RTN1: variants seen among roughly 807,000 people sequenced by gnomAD.
The protein encoded by RTN1 is reticulon 1, also known as reticulon-1.
RTN1 carries 25 observed loss-of-function variants against 65.5 expected under a neutral mutation model. That is an observed-to-expected ratio of 0.38 (90% CI 0.28 to 0.53). RTN1 has a LOEUF of 0.53. Ranked by LOEUF, RTN1 falls within the 20% of genes least tolerant of loss-of-function variation. The probability of loss-of-function intolerance (pLI) is 0.79; values close to 1 mark genes in which losing one functional copy is unlikely to be tolerated. For synonymous variants in RTN1, 471 were observed against 447.6 expected (o/e 1.05, Z -0.66); for missense variants, 983 against 1,025.4 (o/e 0.96, Z 0.57).
At chr14:59,812,939 A>G (rs1886755537) in intron 1 of RTN1, among the ~76,000 whole-genome samples, 1 of 152,218 alleles carries the variant, frequency 6.6e-6, no homozygotes, top group South Asian at 2.1e-4. Context: ...TAAATAAAAG[A>G]ATTGCTGAAC....
chr14:59,807,987 C>T (rs1334166209), intron 1 of RTN1, among the ~76,000 whole-genome samples: 1 of 152,040 alleles, frequency 6.6e-6, no homozygotes, highest in African/African-American at 2.4e-5. Flanking sequence ...TTAAGCCAAG[C>T]GAGTCATACA....
chr14:59,816,437 A>G lies in RTN1; in HGVS notation c.241+53953T>C, dbSNP rs1886822920. The stretch of plus-strand genomic sequence containing the variant: ...AATCCTCGGAGAGCTCCTAGGAAAC[A>G]AGAATGGAATCCTCTTTAGCTCTGT... On this transcript the variant is annotated intron_variant, in intron 1 of 8. Transcript: ENST00000267484. This position sits in a 1 kb window ranked among gnomAD's most constrained non-coding sequence, Gnocchi z 4.3. Among the ~76,000 whole-genome samples the G allele has an allele frequency of 1.3e-5, 2 of 152,208 alleles. No homozygotes were observed. Among genetic ancestry groups the G allele is most frequent in the Admixed American group, 1.3e-4 (2 of 15,288 alleles).
chr14:59,819,341 TGATTGGTCCACTTTACAGAGAGCC>T (rs1566737315), intron 1 of RTN1, among the ~76,000 whole-genome samples: 1 of 133,670 alleles, frequency 7.5e-6, no homozygotes, highest in Non-Finnish European at 1.6e-5. Context: ...CACATCCTGC[TGATTGGTCCACTTTACAGAGAGCC>T]GATTGGTCCA....
At chr14:59,848,059 T>C (rs1194036305) in intron 1 of RTN1, among the ~76,000 whole-genome samples, 1 of 152,186 alleles carries the variant, frequency 6.6e-6, no homozygotes, top group Non-Finnish European at 1.5e-5. Context: ...ACTTTCATCT[T>C]TCATCTGAGT....
chr14:59,725,403 C>T (rs1252672288), intron 3 of RTN1, among the ~76,000 whole-genome samples: 3 of 152,234 alleles, frequency 2.0e-5, no homozygotes, highest in African/African-American at 7.2e-5. Flanking sequence ...ATGACTCAAG[C>T]TTGACTGTTT....
chr14:59,861,008 G>T lies in RTN1; in HGVS notation c.241+9382C>A, dbSNP rs141587106. On this transcript the variant is annotated intron_variant, in intron 1 of 8. Coordinates refer to ENST00000267484, the MANE Select transcript of RTN1 (RefSeq NM_021136.3). ...CTTCCTTGTCTCAGATGAGACACTG[G>T]ACTATAAAATTTTGAGTTAATACTG... 8.7e-4 allele frequency among the ~76,000 whole-genome samples: 132 copies of T among 152,242 alleles called. 1 individual carries two copies. The highest frequency in any genetic ancestry group is 3.1e-3 in the African/African-American group (127 of 41,534).
intron 1 of RTN1, among the ~76,000 whole-genome samples, chr14:59,819,409 CCA>C (rs1566737424): frequency 2.4e-4 from 3 of 12,532 alleles, no homozygotes; most frequent in African/African-American, 5.6e-4. Context: ...ATCCACACCA[CCA>C]CCACCCCCCC....
At chr14:59,798,905 GACTCAA>G (rs919511011) in intron 1 of RTN1, among the ~76,000 whole-genome samples, 6 of 152,214 alleles carry the variant, frequency 3.9e-5, no homozygotes, top group African/African-American at 1.4e-4. Flanking sequence ...CTTAAAAAGT[GACTCAA>G]ACTATTAAAA....
intron 1 of RTN1, among the ~76,000 whole-genome samples, chr14:59,815,625 T>A (rs2139618619): frequency 6.6e-6 from 1 of 152,266 alleles, no homozygotes; most frequent in Middle Eastern, 3.4e-3. Flanking sequence ...CTGCAGAAGG[T>A]CTCCATGGGG....
At chr14:59,809,538 C>T (rs1003049159) in intron 1 of RTN1, among the ~76,000 whole-genome samples, 2 of 151,946 alleles carry the variant, frequency 1.3e-5, no homozygotes, top group Non-Finnish European at 2.9e-5. Flanking sequence ...AGGCAAAAGG[C>T]CATAATTATA....
intron 3 of RTN1, among the ~76,000 whole-genome samples, chr14:59,625,739 C>T (rs1383134060): frequency 1.3e-5 from 2 of 151,960 alleles, no homozygotes; most frequent in African/African-American, 4.8e-5. Context: ...TCATAATGTG[C>T]CTTCCTCATT....
chr14:59,658,673 AAGTAT>A (rs1280100095), intron 3 of RTN1, among the ~76,000 whole-genome samples: 1 of 152,198 alleles, frequency 6.6e-6, no homozygotes, highest in Non-Finnish European at 1.5e-5. Flanking sequence ...ACAAACAGAA[AAGTAT>A]AGCATCAACA....
intron 1 of RTN1, among the ~76,000 whole-genome samples, chr14:59,855,441 T>C (rs2139668769): frequency 6.6e-6 from 1 of 152,312 alleles, no homozygotes; most frequent in African/African-American, 2.4e-5. Context: ...TCTTTTTCTT[T>C]GCTGGGACTT....
intron 3 of RTN1, among the ~76,000 whole-genome samples, chr14:59,689,670 A>G (rs1347022450): frequency 3.3e-5 from 5 of 152,216 alleles, no homozygotes; most frequent in Admixed American, 6.5e-5. Context: ...TCTTAGAGAA[A>G]AGAAATTCCA....
At chr14:59,762,745 G>A (rs1566718542) in intron 1 of RTN1, among the ~76,000 whole-genome samples, 3 of 152,186 alleles carry the variant, frequency 2.0e-5, no homozygotes, top group African/African-American at 4.8e-5. Flanking sequence ...ATTGTTAAGG[G>A]ATTGTGTCAA....
At position 59,726,939 on chromosome 14, in the gene RTN1, A is replaced by G; in HGVS notation, c.1745T>C (p.Leu582Pro). 4 of 1,612,816 alleles carry G rather than the reference A, an allele frequency of 2.5e-6. No individual in the cohort carries two copies. Among genetic ancestry groups the G allele is most frequent in the Non-Finnish European group, 2.5e-6 (3 of 1,179,502 alleles). ...TTTACCTTTTTGCTTATTGAGAAACAGCAGTGGGGGCGGGGCGCCAGGACC... is the reference window on the plus strand; with the variant it reads ...TTTACCTTTTTGCTTATTGAGAAACGGCAGTGGGGGCGGGGCGCCAGGACC... The part of the protein sequence containing the change: ...PLGPGAPPPL[L>P]FLNKQKAIDL... The change falls in exon 3 of 9, where the codon CTG (leucine) becomes CCG (proline). Residue 582 changes from leucine to proline, a missense_variant. By Grantham distance (98) the Leu-to-Pro change is moderately conservative. This residue lies in a region of RTN1 where 818 missense variants were observed against 801.8 expected (regional missense o/e 1.02). Coordinates refer to ENST00000267484, the MANE Select transcript of RTN1 (RefSeq NM_021136.3).
chr14:59,675,702 A>G (rs911627148), intron 3 of RTN1, among the ~76,000 whole-genome samples: 16 of 152,042 alleles, frequency 1.1e-4, no homozygotes, highest in Admixed American at 6.6e-5. Flanking sequence ...CACATCATGT[A>G]TAAGTGGTGG....
chr14:59,785,134 A>G (rs577771164), intron 1 of RTN1, among the ~76,000 whole-genome samples: 2 of 152,288 alleles, frequency 1.3e-5, no homozygotes, highest in East Asian at 3.9e-4. Context: ...CTGTCTTACA[A>G]CTGTAAATAT....
intron 1 of RTN1, among the ~76,000 whole-genome samples, chr14:59,862,273 T>A (rs900955483): frequency 1.3e-5 from 2 of 152,192 alleles, no homozygotes; most frequent in Non-Finnish European, 2.9e-5. Flanking sequence ...CCTAAAGATA[T>A]CCATTAGCGT....
Sources: allele counts gnomAD v4.1 joint callset (sites outside exome capture counted in the v4.1 genomes callset), GRCh38; gene constraint gnomAD v4.1.1; regional missense constraint gnomAD v4.1.1; non-coding constraint Gnocchi (gnomAD v3.1); transcripts MANE v1.5; gene names NCBI Gene and HGNC (gene_info 2026-07-23, HGNC 2026-07-21).